NLRP5: variants seen among roughly 807,000 people sequenced by gnomAD.
NLRP5 encodes NACHT, LRR and PYD domains-containing protein 5.
A neutral mutation model predicts 113.1 loss-of-function variants in NLRP5; 93 were observed. That is an observed-to-expected ratio of 0.82 (90% CI 0.70 to 0.98). The LOEUF (loss-of-function observed/expected upper bound fraction) is 0.98, where lower values mean the gene tolerates loss of function less well. Ranked by LOEUF, NLRP5 falls within the 50% of genes least tolerant of loss-of-function variation. NLRP5 has a pLI of 0.00. For synonymous variants in NLRP5, 751 were observed against 600.7 expected, an observed-to-expected ratio of 1.25 and a Z score of -3.66; for missense variants, 1,808 against 1,514.3, an observed-to-expected ratio of 1.19 and a Z score of -3.22.
At chr19:56,043,333 T>G (rs1409878002) in intron 11 of NLRP5, among the ~76,000 whole-genome samples, 1 of 152,140 alleles carries the variant, frequency 6.6e-6, no homozygotes, top group Non-Finnish European at 1.5e-5. Context: ...ATTGTGGTTT[T>G]GATTGCATTT....
In NLRP5 at chr19:56,027,630, A is replaced by G. The variant is rs913775836; in HGVS notation, c.1397A>G (p.Asp466Gly). ...ATCATGAACAACCGTGAGCTGCTCG[A>G]CCAGTGCCAGGTGCCCGCCGTGGGC... is the stretch of plus-strand genomic sequence containing the variant. Residue 466 changes from aspartate (D) to glycine (G), a missense_variant, in exon 7 of 15, where the codon GAC becomes GGC. By Grantham distance (94) the Asp-to-Gly change is moderately conservative. Coordinates refer to ENST00000390649, the MANE Select transcript of NLRP5 (RefSeq NM_153447.4). 7 of 1,613,436 alleles carry G rather than the reference A, an allele frequency of 4.3e-6. No homozygotes were observed. The highest frequency in any genetic ancestry group is 5.9e-6 in the Non-Finnish European group (7 of 1,179,888).
chr19:56,007,310 G>C (rs1981960431), intron 2 of NLRP5, among the ~76,000 whole-genome samples: 1 of 151,118 alleles, frequency 6.6e-6, no homozygotes, highest in East Asian at 1.9e-4. Context: ...GTTGCAGTGA[G>C]CTGAGATTGT....
At chr19:56,017,081 A>C (rs1024003341) in intron 4 of NLRP5, among the ~76,000 whole-genome samples, 1 of 152,188 alleles carries the variant, frequency 6.6e-6, no homozygotes, top group Non-Finnish European at 1.5e-5. Flanking sequence ...TGCTGGGATT[A>C]CAGACGTGAG....
At chr19:55,998,716 A>ATATATATATATATGTG (rs1422095091), upstream of NLRP5, among the ~76,000 whole-genome samples, 73 of 123,134 alleles carry the variant, frequency 5.9e-4, no homozygotes, top group East Asian at 8.7e-3. Context: ...GTGTGTGTGT[A>ATATATATATATATGTG]TATATATATA....
chr19:56,031,298 T>C (rs894554115), intron 7 of NLRP5, among the ~76,000 whole-genome samples: 1 of 152,046 alleles, frequency 6.6e-6, no homozygotes, highest in Admixed American at 6.6e-5. Context: ...CCCGGCAGCC[T>C]CCACTCTACT....
At chr19:56,061,334 TGAA>T in intron 14 of NLRP5, 59 bp from the exon 15 acceptor site, 1 of 1,570,072 alleles carries the variant, frequency 6.4e-7, no homozygotes, top group African/African-American at 1.4e-5. Context: ...CCAGGAATTT[TGAA>T]GAAGGGAGAA....
At chr19:55,993,363 G>A in the NLRP5 span, among the ~76,000 whole-genome samples, 79 of 78,030 alleles carry the variant, frequency 1.0e-3, no homozygotes, top group African/African-American at 4.1e-3. Context: ...GCACCCATGA[G>A]CCATACTCTC....
At chr19:56,030,832 G>A (rs1041323622) in intron 7 of NLRP5, among the ~76,000 whole-genome samples, 10 of 146,180 alleles carry the variant, frequency 6.8e-5, no homozygotes, top group Admixed American at 2.2e-4. Context: ...CTCCTGCTTC[G>A]GCCTCCCTAG....
intron 5 of NLRP5, 54 bp from the exon 6 acceptor site, chr19:56,020,321 A>G: frequency 1.9e-6 from 3 of 1,603,428 alleles, no homozygotes. Flanking sequence ...GGGGTGTCTG[A>G]CATCTCTGAC....
At chr19:56,010,483 G>A (rs1417234606) in intron 3 of NLRP5, among the ~76,000 whole-genome samples, 1 of 151,982 alleles carries the variant, frequency 6.6e-6, no homozygotes, top group African/African-American at 2.4e-5. Flanking sequence ...GGTGGCTCAC[G>A]CCTGTAATCC....
At chr19:56,057,832 C>G (rs1042113498) in intron 13 of NLRP5, among the ~76,000 whole-genome samples, 4 of 151,996 alleles carry the variant, frequency 2.6e-5, no homozygotes, top group African/African-American at 9.7e-5. Context: ...TCAAGACCAA[C>G]CTGGCCAACA....
rs775605108 is a variant in NLRP5 at position 56,058,331 on chromosome 19, C to A, written c.3391C>A (p.Gln1131Lys). 2.5e-6 allele frequency: 4 copies of A among 1,613,950 alleles called. No individual in the cohort carries two copies. Among genetic ancestry groups the A allele is most frequent in the Non-Finnish European group, 2.5e-6 (3 of 1,179,836 alleles). Residue 1131 changes from glutamine (Q) to lysine (K), a missense_variant, in exon 14 of 15, where the codon CAG becomes AAG. Coordinates refer to ENST00000390649, the MANE Select transcript of NLRP5 (RefSeq NM_153447.4). Reference sequence around the variant, plus strand: ...GCATCTGACCAGTCTAAACCTGGTGCAGAATAACTTCAGTCCCAAAGGAAT... The same window carrying A: ...GCATCTGACCAGTCTAAACCTGGTGAAGAATAACTTCAGTCCCAAAGGAAT...
intron 10 of NLRP5, 93 bp from the exon 11 acceptor site, chr19:56,040,829 G>C (rs370002991): frequency 9.4e-7 from 1 of 1,059,244 alleles, no homozygotes; most frequent in African/African-American, 1.6e-5. Flanking sequence ...CAACTATGGG[G>C]GTGATACGTC....
intron 9 of NLRP5, among the ~76,000 whole-genome samples, chr19:56,035,968 A>G (rs916889835): frequency 6.6e-6 from 1 of 151,270 alleles, no homozygotes; most frequent in Non-Finnish European, 1.5e-5. Flanking sequence ...GAATGAAACG[A>G]GATTCTTTGA....
Position 56,060,707 on chromosome 19 carries a change from G to C in NLRP5, c.3471-689G>C, listed in dbSNP as rs562782092. Among the ~76,000 whole-genome samples the C allele has an allele frequency of 8.8e-4, 131 of 149,012 alleles. 2 individuals carry two copies. The highest frequency in any genetic ancestry group is 5.5e-4 in the Non-Finnish European group (37 of 66,898). ...CCTTTAAAAGCTCAGCATAGTATCT[G>C]ACATATCCAAGTTTTTTTACATGCA... On this transcript the variant is annotated intron_variant, in intron 14 of 14. Coordinates refer to ENST00000390649, the MANE Select transcript of NLRP5 (RefSeq NM_153447.4).
At chr19:56,025,388 C>T (rs1055584969) in intron 6 of NLRP5, among the ~76,000 whole-genome samples, 1 of 144,802 alleles carries the variant, frequency 6.9e-6, no homozygotes, top group African/African-American at 2.5e-5. Flanking sequence ...GTGCTCCGTT[C>T]TCTCTCTCTC....
At chr19:56,049,369 T>C (rs12462825) in intron 11 of NLRP5, among the ~76,000 whole-genome samples, 98,011 of 151,772 alleles carry the variant, frequency 0.65, 32,225 homozygotes, top group Non-Finnish European at 0.7. Flanking sequence ...TTAGTAGAGA[T>C]GGGGTTTCTC....
chr19:56,033,391 C>G (rs1294682413), intron 8 of NLRP5, 151 bp from the exon 9 acceptor site: 1 of 651,820 alleles, frequency 1.5e-6, no homozygotes, highest in Non-Finnish European at 2.7e-6. Flanking sequence ...CAGTAGCTGG[C>G]CCATCACAGG....
At chr19:56,007,900 CGTGCGTGTGTGTGTGTGT>C (rs1219981466) in intron 2 of NLRP5, among the ~76,000 whole-genome samples, 4,881 of 79,418 alleles carry the variant, frequency 0.061, 460 homozygotes, top group Non-Finnish European at 0.079. Flanking sequence ...CGCGTGCGCG[CGTGCGTGTGTGTGTGTGT>C]GTGTGTGTGT....
Sources: gnomAD v4.1 joint callset for allele counts (sites outside exome capture counted in the v4.1 genomes callset) on GRCh38, gnomAD v4.1.1 for gene constraint, MANE v1.5 for transcripts, NCBI Gene and HGNC (gene_info 2026-07-23, HGNC 2026-07-21) for gene names.